The following TRMT44 variants were observed in gnomAD, a reference collection of about 807,000 sequenced individuals.
The protein encoded by TRMT44 is probable tRNA (uracil-O(2)-)-methyltransferase.
TRMT44 carries 78 observed loss-of-function variants against 77.3 expected under a neutral mutation model. That is an observed-to-expected ratio of 1.01 (90% CI 0.84 to 1.22). The LOEUF (loss-of-function observed/expected upper bound fraction) is 1.22, where lower values mean the gene tolerates loss of function less well. Among genes scored for constraint, TRMT44 ranks in the 50% most tolerant of loss-of-function variants. The pLI is 0.00. For synonymous variants in TRMT44, 391 were observed against 383.3 expected (o/e 1.02, Z -0.23); for missense variants, 1,090 against 964.4 (o/e 1.13, Z -1.73).
the TRMT44 span, among the ~76,000 whole-genome samples, chr4:8,505,513 A>C: frequency 6.6e-6 from 1 of 152,208 alleles, no homozygotes; most frequent in East Asian, 1.9e-4. Context: ...CTGGACAGGC[A>C]GCCGGTGTGG....
chr4:8,453,230 T>C (rs944492442), intron 5 of TRMT44, among the ~76,000 whole-genome samples: 1 of 152,210 alleles, frequency 6.6e-6, no homozygotes, highest in Non-Finnish European at 1.5e-5. Context: ...CATGGACCTA[T>C]AAAATGACAG....
chr4:8,449,769 GC>G lies in TRMT44; in HGVS notation c.837del (p.Lys280SerfsTer4), dbSNP rs1251957227. On this transcript the variant is annotated frameshift_variant, in exon 3 of 11. Coordinates refer to ENST00000389737, the MANE Select transcript of TRMT44 (RefSeq NM_152544.3). LOFTEE classifies it high-confidence loss of function. ...WLGEELLAKL[A>X]KWSVENKKSD... ...TGGAGAAGAGTTGCTGGCCAAGTTGGCCAAGTGGTCTGTAGAGAACAAGAAG... is the reference window on the plus strand; with the variant it reads ...TGGAGAAGAGTTGCTGGCCAAGTTGGCAAGTGGTCTGTAGAGAACAAGAAG... 6.5e-7 allele frequency: 1 copy of G among 1,535,986 alleles called. No homozygotes were observed. Among genetic ancestry groups the G allele is most frequent in the Admixed American group, 2.0e-5 (1 of 50,974 alleles).
the TRMT44 span, chr4:8,508,660 A>C: frequency 2.6e-4 from 39 of 152,314 alleles, no homozygotes; most frequent in African/African-American, 9.4e-4. Context: ...TGGGCGGCAG[A>C]TCCCCCATGA....
At chr4:8,469,627 G>T (rs1282958815) in intron 9 of TRMT44, among the ~76,000 whole-genome samples, 3 of 152,248 alleles carry the variant, frequency 2.0e-5, no homozygotes, top group African/African-American at 7.2e-5. Context: ...GCGGGGATGG[G>T]TGAGCGGTGG....
chr4:8,479,959 T>G (rs1727561809), downstream of TRMT44, among the ~76,000 whole-genome samples: 1 of 152,100 alleles, frequency 6.6e-6, no homozygotes, highest in African/African-American at 2.4e-5. Flanking sequence ...CTCACTACAG[T>G]GAGCCTCAGC....
In TRMT44 at chr4:8,446,220, C is replaced by T. The variant is rs183301775; in HGVS notation, c.620-256C>T. ...TTCCAATAGAGTCCACATTGGCTGG[C>T]TCTTCCCTCAGGTCCTGGCTCATGC... is the stretch of plus-strand genomic sequence containing the variant. On this transcript the variant is annotated intron_variant, in intron 1 of 10. Coordinates refer to ENST00000389737, the MANE Select transcript of TRMT44 (RefSeq NM_152544.3). This position sits in a 1 kb window ranked among gnomAD's most constrained non-coding sequence, Gnocchi z 4.3. Among the ~76,000 whole-genome samples, 41 of 152,334 alleles carry T rather than the reference C, an allele frequency of 2.7e-4. No homozygotes were observed. The highest frequency in any genetic ancestry group is 9.4e-4 in the African/African-American group (39 of 41,572).
rs377214634 is a variant in TRMT44 at position 8,452,757 on chromosome 4, A to T, written c.1024-125A>T. 1.1e-4 allele frequency: 59 copies of T among 534,882 alleles called. 1 individual carries two copies. The East Asian group carries it at 1.4e-3, about 13-fold the overall frequency. 33.1% of individuals were successfully genotyped at this position (534,882 alleles called of 1,614,324 possible). On this transcript the variant is annotated intron_variant, in intron 4 of 10. Coordinates refer to ENST00000389737, the MANE Select transcript of TRMT44 (RefSeq NM_152544.3). This position sits in a 1 kb window ranked among gnomAD's most constrained non-coding sequence, Gnocchi z 5.7. ...CTCAAAAAAAGAAAAAAAAAAAAGA[A>T]TGTTTAGTGTAGATGATTTCAAGTT... is the stretch of plus-strand genomic sequence containing the variant.
the TRMT44 span, among the ~76,000 whole-genome samples, chr4:8,506,051 C>T: frequency 2.8e-4 from 43 of 152,326 alleles, no homozygotes; most frequent in African/African-American, 9.6e-4. Context: ...TGAAAATGGA[C>T]GAATACACAC....
chr4:8,446,456 T>C lies in TRMT44; in HGVS notation c.620-20T>C. On this transcript the variant is annotated intron_variant, in intron 1 of 10. Coordinates refer to ENST00000389737, the MANE Select transcript of TRMT44 (RefSeq NM_152544.3). This position sits in a 1 kb window ranked among gnomAD's most constrained non-coding sequence, Gnocchi z 4.3. ...TAGCTAGGCAGTTGTAATTTGTCCT[T>C]CTTCTCTTTTTCTTTCCAGATGTCC... The C allele has an allele frequency of 6.8e-7, 1 of 1,481,408 alleles. No homozygotes were observed. Among genetic ancestry groups the C allele is most frequent in the Non-Finnish European group, 9.1e-7 (1 of 1,097,806 alleles). The allele number at this position is 1,481,408 out of a possible 1,614,324, so 91.8% of individuals were successfully genotyped here.
At chr4:8,496,324 A>G (rs373252033), downstream of TRMT44, among the ~76,000 whole-genome samples, 16 of 152,306 alleles carry the variant, frequency 1.1e-4, no homozygotes, top group East Asian at 2.9e-3. Context: ...AAGAACCTGG[A>G]CAACTACCCT....
intron 2 of TRMT44, among the ~76,000 whole-genome samples, chr4:8,491,226 G>T (rs1727992967): frequency 6.6e-6 from 1 of 152,162 alleles, no homozygotes; most frequent in Admixed American, 6.5e-5. Context: ...ACAGAGTGTC[G>T]ATTGGTGCAC....
chr4:8,467,336 T>A (rs918216430), intron 8 of TRMT44, among the ~76,000 whole-genome samples: 1 of 151,526 alleles, frequency 6.6e-6, no homozygotes. Context: ...GGCCCAGGAG[T>A]GTGGACTCTT....
In TRMT44 at chr4:8,446,060, T is replaced by G. The variant is rs1053436913; in HGVS notation, c.620-416T>G. Among the ~76,000 whole-genome samples the G allele has an allele frequency of 6.6e-6, 1 of 152,352 alleles. No individual in the cohort carries two copies. Among genetic ancestry groups the G allele is most frequent in the South Asian group, 2.1e-4 (1 of 4,832 alleles). ...GTTGTTAGGAAGGCCTGGACTGATA[T>G]CCGCTTTCCTGAACTGGCCTCTGAT... On this transcript the variant is annotated intron_variant, in intron 1 of 10. Coordinates refer to ENST00000389737, the MANE Select transcript of TRMT44 (RefSeq NM_152544.3). This position sits in a 1 kb window ranked among gnomAD's most constrained non-coding sequence, Gnocchi z 4.3.
chr4:8,440,897 A>T lies in TRMT44; in HGVS notation c.75A>T (p.Glu25Asp). 1 of 1,529,410 alleles carries T rather than the reference A, an allele frequency of 6.5e-7. No homozygotes were observed. The highest frequency in any genetic ancestry group is 8.7e-7 in the Non-Finnish European group (1 of 1,145,140). The allele number at this position is 1,529,410 out of a possible 1,614,324, so 94.7% of individuals were successfully genotyped here. Residue 25 changes from glutamate to aspartate, a missense_variant, in exon 1 of 11, where the codon GAA becomes GAT. Glu to Asp is a conservative substitution (Grantham distance 45). Transcript: ENST00000389737. The part of the protein sequence containing the change: ...LLPQGFWAAV[E>D]VWLERPQVAN... ...CACAGGGCTTCTGGGCTGCGGTCGA[A>T]GTGTGGCTGGAGAGGCCGCAGGTGG...
In TRMT44 at chr4:8,451,648, A is replaced by C. The variant is rs76438512; in HGVS notation, c.955-312A>C. Among the ~76,000 whole-genome samples, 990 of 152,260 alleles carry C rather than the reference A, an allele frequency of 6.5e-3. 16 individuals carry two copies. Among genetic ancestry groups the C allele is most frequent in the African/African-American group, 0.023 (935 of 41,546 alleles). ...CCTAGTTTCCTTGTTTGTTGCCCTT[A>C]TCTGCATAGACAATGAGCACAGTGT... On this transcript the variant is annotated intron_variant, in intron 3 of 10. Coordinates refer to ENST00000389737, the MANE Select transcript of TRMT44 (RefSeq NM_152544.3). This position sits in a 1 kb window ranked among gnomAD's most constrained non-coding sequence, Gnocchi z 4.1.
At position 8,461,937 on chromosome 4, in the gene TRMT44, A is replaced by G. The variant is rs1472213835; in HGVS notation, c.1204-2048A>G. On this transcript the variant is annotated intron_variant, in intron 6 of 10. Coordinates refer to ENST00000389737, the MANE Select transcript of TRMT44 (RefSeq NM_152544.3). This position sits in a 1 kb window ranked among gnomAD's most constrained non-coding sequence, Gnocchi z 4.6. ...GAAAGTCAAAGGCCAGGCGTAGAAT[A>G]TAACTTTTTTTCTTTCTTTCAAAAA... is the stretch of plus-strand genomic sequence containing the variant. 3.9e-5 allele frequency among the ~76,000 whole-genome samples: 6 copies of G among 152,210 alleles called. No individual in the cohort carries two copies. The highest frequency in any genetic ancestry group is 1.4e-4 in the African/African-American group (6 of 41,452).
chr4:8,446,136 T>TG lies in TRMT44; in HGVS notation c.620-339dup, dbSNP rs1253985868. Among the ~76,000 whole-genome samples the TG allele has an allele frequency of 5.3e-5, 8 of 152,348 alleles. No individual in the cohort carries two copies. Among genetic ancestry groups the TG allele is most frequent in the Admixed American group, 3.9e-4 (6 of 15,296 alleles). On this transcript the variant is annotated intron_variant, in intron 1 of 10. Transcript: ENST00000389737. This position sits in a 1 kb window ranked among gnomAD's most constrained non-coding sequence, Gnocchi z 4.3. ...TCACACTCGAAGATCATGGTCAGGC[T>TG]GTGGCAGACACTCAGTTAGGGCAGA...
the TRMT44 span, chr4:8,512,671 G>A: frequency 1.2e-4 from 19 of 152,190 alleles, no homozygotes; most frequent in African/African-American, 4.3e-4. Flanking sequence ...AGCTGCGTGT[G>A]CAGTGCTGAC....
intron 10 of TRMT44, among the ~76,000 whole-genome samples, chr4:8,474,118 C>T (rs1188597388): frequency 6.6e-6 from 1 of 151,670 alleles, no homozygotes; most frequent in Non-Finnish European, 1.5e-5. Flanking sequence ...GGAATCTGTA[C>T]TCAGCCTTTG....
Sources: allele counts gnomAD v4.1 joint callset (sites outside exome capture counted in the v4.1 genomes callset), GRCh38; gene constraint gnomAD v4.1.1; non-coding constraint Gnocchi (gnomAD v3.1); transcripts MANE v1.5; gene names NCBI Gene and HGNC (gene_info 2026-07-23, HGNC 2026-07-21).